Variants in UBR2 observed in about 807,000 individuals in gnomAD.
UBR2 encodes E3 ubiquitin-protein ligase UBR2.
UBR2 carries 92 observed loss-of-function variants against 247.9 expected under a neutral mutation model. The observed-to-expected ratio is 0.37, with a 90% CI of 0.31 to 0.44. The LOEUF is 0.44. Among genes scored for constraint, UBR2 ranks in the 20% least tolerant of loss-of-function variants. The pLI, the probability that UBR2 is intolerant of heterozygous loss-of-function variation, is 1.00. For synonymous variants in UBR2, 672 were observed against 693.5 expected, an observed-to-expected ratio of 0.97 and a Z score of 0.49; for missense variants, 1,613 against 2,112.6, an observed-to-expected ratio of 0.76 and a Z score of 4.64.
At chr6:42,617,388 C>CT (rs1488147070) in intron 10 of UBR2, 21 bp from the exon 11 acceptor site, 6 of 1,612,390 alleles carry the variant, frequency 3.7e-6, no homozygotes, top group South Asian at 3.3e-5. Flanking sequence ...CACTCCTTGC[C>CT]TTTTTTTGCC....
In UBR2 at chr6:42,638,596, T is replaced by C. The variant is rs1166459854; in HGVS notation, c.1858+1402T>C. 2.0e-5 allele frequency among the ~76,000 whole-genome samples: 3 copies of C among 152,184 alleles called. No individual in the cohort carries two copies. The South Asian group carries it at 6.2e-4, about 31-fold the overall frequency. On this transcript the variant is annotated intron_variant, in intron 15 of 46. Transcript: ENST00000372901. ...ATAACTTGTTCAGGCCCAGTTTTGT[T>C]TTTATAAGTGTTTTGAGCAACTGAA...
At chr6:42,670,774 T>G in intron 36 of UBR2, 59 bp downstream of exon 36, 1 of 1,398,866 alleles carries the variant, frequency 7.1e-7, no homozygotes, top group Non-Finnish European at 9.9e-7. Context: ...GTGGTTCTGC[T>G]GCTTTTAATC....
chr6:42,613,718 C>G (rs1038352740), intron 8 of UBR2, among the ~76,000 whole-genome samples: 2 of 151,914 alleles, frequency 1.3e-5, no homozygotes, highest in African/African-American at 4.8e-5. Context: ...TGAAAATTTT[C>G]TTTGAGATAT....
At position 42,647,787 on chromosome 6, in the gene UBR2, T is replaced by A. The variant is rs115618985; in HGVS notation, c.2410-331T>A. Among the ~76,000 whole-genome samples the A allele has an allele frequency of 4.6e-3, 706 of 152,302 alleles. 3 individuals are homozygous for A. Among genetic ancestry groups the A allele is most frequent in the African/African-American group, 0.014 (571 of 41,564 alleles). On this transcript the variant is annotated intron_variant, in intron 21 of 46. Coordinates refer to ENST00000372901, the MANE Select transcript of UBR2 (RefSeq NM_001363705.2). ...CAGACGTATTTTACATAAACTTTTT[T>A]AAATGTTTTATATACTTTGTGTTTT...
At chr6:42,666,446 C>T (rs897290174) in intron 34 of UBR2, among the ~76,000 whole-genome samples, 13 of 152,132 alleles carry the variant, frequency 8.5e-5, no homozygotes, top group African/African-American at 2.9e-4. Flanking sequence ...GCCTTCATTG[C>T]ACCACTACAT....
chr6:42,580,531 C>T (rs950459220), intron 2 of UBR2, among the ~76,000 whole-genome samples: 1 of 149,008 alleles, frequency 6.7e-6, no homozygotes, highest in Admixed American at 6.7e-5. Flanking sequence ...TGTCAAAAGA[C>T]AAATCTTAAT....
chr6:42,564,525 T>C, intron 1 of UBR2, 128 bp downstream of exon 1: 10 of 1,105,078 alleles, frequency 9.0e-6, no homozygotes, highest in Non-Finnish European at 1.3e-5. Flanking sequence ...GGCCCTCGCC[T>C]TGTGGGGTAA....
chr6:42,684,154 A>G (rs1799218183), intron 43 of UBR2, among the ~76,000 whole-genome samples: 1 of 152,230 alleles, frequency 6.6e-6, no homozygotes, highest in South Asian at 2.1e-4. Flanking sequence ...AGAAGTATAC[A>G]TCAGAATAAC....
intron 22 of UBR2, among the ~76,000 whole-genome samples, chr6:42,649,236 A>G (rs1436688710): frequency 6.6e-6 from 1 of 152,070 alleles, no homozygotes; most frequent in Admixed American, 6.6e-5. Context: ...TCAAACTCCT[A>G]ACTTCAGATG....
At chr6:42,602,120 C>T (rs1272264207) in intron 4 of UBR2, among the ~76,000 whole-genome samples, 2 of 151,954 alleles carry the variant, frequency 1.3e-5, no homozygotes, top group Non-Finnish European at 1.5e-5. Flanking sequence ...CCATCCACCT[C>T]GGCCTCCCAA....
chr6:42,598,017 A>G (rs1301157161), intron 4 of UBR2, among the ~76,000 whole-genome samples: 1 of 152,086 alleles, frequency 6.6e-6, no homozygotes, highest in Non-Finnish European at 1.5e-5. Context: ...TTTTTTTGTC[A>G]TACATTTAGC....
At chr6:42,606,828 G>A (rs1446063159) in intron 7 of UBR2, among the ~76,000 whole-genome samples, 177 bp downstream of exon 7, 1 of 152,014 alleles carries the variant, frequency 6.6e-6, no homozygotes, top group Non-Finnish European at 1.5e-5. Flanking sequence ...AAGCTGTGTA[G>A]GATTGATATA....
At chr6:42,648,285 C>G (rs1796902890) in intron 22 of UBR2, 115 bp downstream of exon 22, 1 of 829,834 alleles carries the variant, frequency 1.2e-6, no homozygotes, top group African/African-American at 1.7e-5. Context: ...CAGAGATTGA[C>G]AGACATTTTC....
Position 42,670,078 on chromosome 6 carries a change from C to A in UBR2, c.3882-14C>A, listed in dbSNP as rs1321361091. On this transcript the variant is annotated splice_polypyrimidine_tract_variant and intron_variant, in intron 34 of 46. Transcript: ENST00000372901. ...CACATTGTTCTGAGCTAATTTTATA[C>A]ATGTTTACTTCAGGATCCCTTATTC... 2.1e-5 allele frequency: 34 copies of A among 1,612,726 alleles called. No individual in the cohort carries two copies. The highest frequency in any genetic ancestry group is 2.6e-5 in the Non-Finnish European group (31 of 1,178,984).
In UBR2 at chr6:42,571,079, A is replaced by G. The variant is rs1003938067; in HGVS notation, c.79-2655A>G. The stretch of plus-strand genomic sequence containing the variant: ...CAAATTTGCTCTCGTTACAGTTACT[A>G]GACTGCATAATTTTTTTTTAGAAAG... On this transcript the variant is annotated intron_variant, in intron 1 of 46. Transcript: ENST00000372901. Among the ~76,000 whole-genome samples, 4 of 151,432 alleles carry G rather than the reference A, an allele frequency of 2.6e-5. No individual in the cohort carries two copies. In the East Asian group the frequency reaches 7.7e-4, roughly 29 times the overall value.
At chr6:42,680,912 G>A (rs762155120) in intron 42 of UBR2, among the ~76,000 whole-genome samples, 10 of 151,628 alleles carry the variant, frequency 6.6e-5, no homozygotes, top group Non-Finnish European at 1.2e-4. Flanking sequence ...CCTGTAATCC[G>A]CAGCACTTTG....
chr6:42,641,637 G>A lies in UBR2; in HGVS notation c.1976G>A (p.Cys659Tyr), dbSNP rs1394662154. Residue 659 changes from cysteine (C) to tyrosine (Y), a missense_variant, in exon 17 of 47, where the codon TGT becomes TAT. By Grantham distance (194) the Cys-to-Tyr change is radical. Around this residue, in one of 3 missense-constraint regions of UBR2, gnomAD observed 1,524 missense variants for 1,967.3 expected, o/e 0.77. Transcript: ENST00000372901. ...CACCCTCTTAGATGTCTTGTTCTGT[G>A]TGCCCAAGTACATGCCGGAATGTGG... ...IEHPLRCLVL[C>Y]AQVHAGMWRR... is the part of the protein sequence containing the mutation. 1 of 1,607,706 alleles carries A rather than the reference G, an allele frequency of 6.2e-7. No homozygotes were observed. Among genetic ancestry groups the A allele is most frequent in the Non-Finnish European group, 8.5e-7 (1 of 1,177,822 alleles).
intron 34 of UBR2, among the ~76,000 whole-genome samples, chr6:42,668,756 T>A (rs943959145): frequency 3.3e-5 from 5 of 151,892 alleles, no homozygotes; most frequent in Admixed American, 6.6e-5. Context: ...TTTTTTTAAC[T>A]TTTTTAGAGA....
chr6:42,570,860 AT>A lies in UBR2; in HGVS notation c.79-2869del, dbSNP rs369559295. On this transcript the variant is annotated intron_variant, in intron 1 of 46. Transcript: ENST00000372901. The stretch of plus-strand genomic sequence containing the variant: ...CACCATGCCCAGCTAATCTTCTTTT[AT>A]TTTTAGAAGAGACAGGGTTTTGCCA... 3.0e-3 allele frequency among the ~76,000 whole-genome samples: 449 copies of A among 151,642 alleles called. 3 individuals carry two copies. Among genetic ancestry groups the A allele is most frequent in the African/African-American group, 0.01 (428 of 41,336 alleles).
Sources: allele counts gnomAD v4.1 joint callset (sites outside exome capture counted in the v4.1 genomes callset), GRCh38; gene constraint gnomAD v4.1.1; regional missense constraint gnomAD v4.1.1; transcripts MANE v1.5; gene names NCBI Gene and HGNC (gene_info 2026-07-23, HGNC 2026-07-21).